The following PLCH1 variants were observed in gnomAD, a reference collection of about 807,000 sequenced individuals.
The protein encoded by PLCH1 is phospholipase C eta 1.
Under a neutral mutation model 126.7 loss-of-function variants are expected in PLCH1, and 60 were observed. The ratio of observed to expected loss-of-function variants is 0.47; its 90% CI spans 0.38 to 0.59. The LOEUF (loss-of-function observed/expected upper bound fraction) is 0.59. PLCH1 is among the 20% of genes least tolerant of loss of function. The pLI is 0.00. For missense variants in PLCH1, 1,723 were observed against 2,040.0 expected, an observed-to-expected ratio of 0.84 and a Z score of 2.99; for synonymous variants, 719 against 734.9, an observed-to-expected ratio of 0.98 and a Z score of 0.35.
chr3:155,693,113 A>G (rs1745534487), intron 2 of PLCH1, among the ~76,000 whole-genome samples: 1 of 152,044 alleles, frequency 6.6e-6, no homozygotes, highest in Admixed American at 6.6e-5. Context: ...TAGCAGATTC[A>G]AATGTATAAC....
At chr3:155,615,100 A>T (rs10804772) in intron 2 of PLCH1, among the ~76,000 whole-genome samples, 73,731 of 151,818 alleles carry the variant, frequency 0.49, 20,278 homozygotes, top group African/African-American at 0.74. Flanking sequence ...AAAAAACAAA[A>T]AATCCTATCA....
intron 13 of PLCH1, among the ~76,000 whole-genome samples, chr3:155,502,577 T>C (rs1436349331): frequency 6.6e-6 from 1 of 152,220 alleles, no homozygotes; most frequent in Non-Finnish European, 1.5e-5. Flanking sequence ...TTTTTAAGAA[T>C]CATTTTTACT....
At chr3:155,454,034 A>C (rs1266379455) in intron 21 of PLCH1, among the ~76,000 whole-genome samples, 1 of 152,140 alleles carries the variant, frequency 6.6e-6, no homozygotes, top group Non-Finnish European at 1.5e-5. Context: ...AAGATATAAT[A>C]GTATGCCATA....
intron 2 of PLCH1, among the ~76,000 whole-genome samples, chr3:155,632,461 T>C (rs925752710): frequency 9.2e-5 from 14 of 152,228 alleles, no homozygotes; most frequent in African/African-American, 3.4e-4. Context: ...CGGTTTATCT[T>C]TGGGGATTAA....
intron 2 of PLCH1, among the ~76,000 whole-genome samples, chr3:155,701,744 T>C (rs1746289046): frequency 6.6e-6 from 1 of 152,216 alleles, no homozygotes; most frequent in South Asian, 2.1e-4. Context: ...ACATTACCAC[T>C]AGAGCTCCCT....
In PLCH1 at chr3:155,481,783, T is replaced by C. The variant is rs151249019; in HGVS notation, c.4243A>G (p.Asn1415Asp). The change falls in exon 23 of 23, where the codon AAT (asparagine) becomes GAT (aspartate). Residue 1415 changes from asparagine (N) to aspartate (D), a missense_variant. Coordinates refer to ENST00000460012, the MANE Select transcript of PLCH1 (RefSeq NM_014996.4). This position sits in a 1 kb window ranked among gnomAD's most constrained non-coding sequence, Gnocchi z 4.2. ...CTTTGAGTTTTGACATCTTGAATAT[T>C]GTTGAATATTTCAGGGACAGAAGGG... The part of the protein sequence containing the change: ...LRPSVPEIFN[N>D]IQDVKTQSIS... 19 of 1,614,056 alleles carry C rather than the reference T, an allele frequency of 1.2e-5. No individual in the cohort carries two copies. The Middle Eastern group carries it at 2.1e-3, about 182-fold the overall frequency.
intron 2 of PLCH1, among the ~76,000 whole-genome samples, chr3:155,599,392 T>C (rs1733421981): frequency 6.6e-6 from 1 of 152,026 alleles, no homozygotes; most frequent in South Asian, 2.1e-4. Context: ...GAGTTAAGAA[T>C]GATCAGAAGA....
intron 10 of PLCH1, among the ~76,000 whole-genome samples, chr3:155,534,517 G>T (rs529020040): frequency 1.2e-3 from 190 of 152,306 alleles, no homozygotes; most frequent in African/African-American, 4.5e-3. Context: ...TCTCAGATGA[G>T]ACTTTGGACT....
At chr3:155,626,691 C>G (rs932357892) in intron 2 of PLCH1, among the ~76,000 whole-genome samples, 1 of 145,590 alleles carries the variant, frequency 6.9e-6, no homozygotes, top group African/African-American at 2.6e-5. Context: ...ATGGCATGAA[C>G]CCGGGAGGCA....
intron 21 of PLCH1, among the ~76,000 whole-genome samples, chr3:155,461,432 A>G (rs970510678): frequency 6.6e-6 from 1 of 152,174 alleles, no homozygotes; most frequent in African/African-American, 2.4e-5. Flanking sequence ...CTTAATAGAA[A>G]CGCCCAGAAA....
intron 7 of PLCH1, among the ~76,000 whole-genome samples, chr3:155,567,024 C>T (rs1577031289): frequency 6.6e-6 from 1 of 152,108 alleles, no homozygotes; most frequent in East Asian, 1.9e-4. Flanking sequence ...AGTTTATCAT[C>T]TCTGGTTGTT....
rs150355312 is a variant in PLCH1, at chr3:155,562,840, C to G, written c.1069+2075G>C. Among the ~76,000 whole-genome samples, 450 of 151,978 alleles carry G rather than the reference C, an allele frequency of 3.0e-3. 1 individual carries two copies. The highest frequency in any genetic ancestry group is 0.01 in the African/African-American group (435 of 41,444). On this transcript the variant is annotated intron_variant, in intron 8 of 22. Coordinates refer to ENST00000460012, the MANE Select transcript of PLCH1 (RefSeq NM_014996.4). ...GAAAACAAACCTATATTATTTCCCC[C>G]ACTTCCAAGTCTCAAAGTTGCCCCC...
chr3:155,739,185 T>C (rs1442485719), intron 1 of PLCH1, among the ~76,000 whole-genome samples: 2 of 152,188 alleles, frequency 1.3e-5, no homozygotes, highest in Non-Finnish European at 2.9e-5. Flanking sequence ...TCAGCAACTG[T>C]CCAAGGCAAT....
chr3:155,618,404 C>G (rs6793225), intron 2 of PLCH1, among the ~76,000 whole-genome samples: 73,843 of 151,920 alleles, frequency 0.49, 20,339 homozygotes, highest in African/African-American at 0.74. Flanking sequence ...ACGATACAGG[C>G]AAGAAGAAAA....
rs765052204 is a variant in PLCH1, at chr3:155,482,508, A to G, written c.3518T>C (p.Ile1173Thr). 8.7e-6 allele frequency: 14 copies of G among 1,614,106 alleles called. No individual in the cohort carries two copies. The South Asian group carries it at 9.9e-5, about 11-fold the overall frequency. The change falls in exon 23 of 23, where the codon ATT (isoleucine) becomes ACT (threonine). Residue 1173 changes from isoleucine (I) to threonine (T), a missense_variant. Coordinates refer to ENST00000460012, the MANE Select transcript of PLCH1 (RefSeq NM_014996.4). ...ILQESVISHL[I>T]DNVTLTNENE... is the part of the protein sequence containing the mutation. ...CTCATTTGTTAAAGTGACATTGTCA[A>G]TAAGATGGGAAATTACACTCTCCTG...
At chr3:155,491,185 A>G (rs748300409) in intron 18 of PLCH1, among the ~76,000 whole-genome samples, 1 of 152,246 alleles carries the variant, frequency 6.6e-6, no homozygotes, top group African/African-American at 2.4e-5. Context: ...AGCTGTATCT[A>G]TAATAGTCAA....
intron 1 of PLCH1, among the ~76,000 whole-genome samples, chr3:155,731,976 G>T (rs1277363987): frequency 4.6e-5 from 5 of 107,554 alleles, no homozygotes; most frequent in Admixed American, 3.6e-4. Flanking sequence ...GACAAACAGA[G>T]ACCCTGTCTC....
At chr3:155,639,733 C>A (rs1220019299) in intron 2 of PLCH1, among the ~76,000 whole-genome samples, 1 of 152,132 alleles carries the variant, frequency 6.6e-6, no homozygotes, top group East Asian at 1.9e-4. Flanking sequence ...GGAAATAGAA[C>A]CTTGATATGG....
intron 2 of PLCH1, among the ~76,000 whole-genome samples, chr3:155,671,555 A>G (rs1253859571): frequency 6.6e-6 from 1 of 152,238 alleles, no homozygotes; most frequent in East Asian, 1.9e-4. Context: ...AGTATAGAAA[A>G]AGAATGAAAA....
Sources: allele counts gnomAD v4.1 joint callset (sites outside exome capture counted in the v4.1 genomes callset), GRCh38; gene constraint gnomAD v4.1.1; non-coding constraint Gnocchi (gnomAD v3.1); transcripts MANE v1.5; gene names NCBI Gene and HGNC (gene_info 2026-07-23, HGNC 2026-07-21).